The following MYOF variants were observed in gnomAD, a reference collection of about 807,000 sequenced individuals.
MYOF encodes the protein fer-1-like 3, myoferlin.
In MYOF, 244 loss-of-function variants were observed where a neutral mutation model predicts 284.2. That is an observed-to-expected ratio of 0.86 (90% confidence interval 0.77 to 0.95). The LOEUF is 0.95. Among genes scored for constraint, MYOF ranks in the 40% least tolerant of loss-of-function variants. MYOF has a pLI of 0.00. For missense variants in MYOF, 2,496 were observed against 2,560.6 expected, an observed-to-expected ratio of 0.97 and a Z score of 0.54; for synonymous variants, 904 against 919.7, an observed-to-expected ratio of 0.98 and a Z score of 0.31.
At chr10:93,380,048 T>C in intron 20 of MYOF, 61 bp from the exon 21 acceptor site, 2 of 1,574,940 alleles carry the variant, frequency 1.3e-6, no homozygotes, top group South Asian at 2.3e-5. Flanking sequence ...GCATGTTTAT[T>C]AAAGAGATGT....
intron 5 of MYOF, among the ~76,000 whole-genome samples, chr10:93,413,426 G>C (rs1287667670): frequency 6.6e-6 from 1 of 152,204 alleles, no homozygotes; most frequent in Non-Finnish European, 1.5e-5. Flanking sequence ...CAAAGAATGA[G>C]GGGGCCCCTA....
intron 5 of MYOF, among the ~76,000 whole-genome samples, chr10:93,413,837 T>G (rs887035115): frequency 2.0e-5 from 3 of 151,454 alleles, no homozygotes; most frequent in African/African-American, 7.3e-5. Flanking sequence ...CAAAAAAAAT[T>G]TAAAAACTAG....
In MYOF at chr10:93,323,170, G is replaced by C. The variant is rs748658000; in HGVS notation, c.5364C>G (p.Tyr1788Ter). The change falls in exon 48 of 54, where the codon TAC becomes TAG. Residue 1788 changes from tyrosine (Y) to a stop codon, truncating the protein, a stop_gained. Coordinates refer to ENST00000359263, the MANE Select transcript of MYOF (RefSeq NM_013451.4). LOFTEE classifies it high-confidence loss of function. The part of the protein sequence containing the change: ...FNITPRKAKK[Y>*]YLRVIIWNTK... Reference sequence around the variant, plus strand: ...TGTTCCAGATGATCACACGCAGGTAGTATCTGCAAGAAGCACAGTTGGAAG... The same window carrying C: ...TGTTCCAGATGATCACACGCAGGTACTATCTGCAAGAAGCACAGTTGGAAG... 1 of 1,614,054 alleles carries C rather than the reference G, an allele frequency of 6.2e-7. No homozygotes were observed. Among genetic ancestry groups the C allele is most frequent in the Non-Finnish European group, 8.5e-7 (1 of 1,179,898 alleles).
intron 25 of MYOF, among the ~76,000 whole-genome samples, chr10:93,369,239 G>C (rs923843712): frequency 1.3e-5 from 2 of 148,578 alleles, no homozygotes; most frequent in African/African-American, 5.0e-5. Flanking sequence ...AACATCTCAA[G>C]TGTCCCCTCT....
intron 3 of MYOF, among the ~76,000 whole-genome samples, chr10:93,451,186 A>G (rs1181876025): frequency 6.6e-6 from 1 of 152,148 alleles, no homozygotes. Context: ...CTAAAAATAT[A>G]AAAGTTAGCT....
intron 50 of MYOF, among the ~76,000 whole-genome samples, chr10:93,315,231 T>A (rs1842566241): frequency 6.6e-6 from 1 of 152,132 alleles, no homozygotes; most frequent in Admixed American, 6.5e-5. Context: ...TTGGTGGGTG[T>A]TTCCTCTGCC....
At position 93,323,699 on chromosome 10, in the gene MYOF, G is replaced by GCA. The variant is rs146879928; in HGVS notation, c.5272-343_5272-342dup. On this transcript the variant is annotated intron_variant, in intron 46 of 53. Coordinates refer to ENST00000359263, the MANE Select transcript of MYOF (RefSeq NM_013451.4). The stretch of plus-strand genomic sequence containing the variant: ...ATCCCACAGGCAGGCACACGCACGT[G>GCA]CACACACACACACACGCGCGTGCGC... 2.4e-3 allele frequency: 669 copies of GCA among 277,672 alleles called. 2 individuals are homozygous for GCA. The highest frequency in any genetic ancestry group is 7.7e-3 in the African/African-American group (351 of 45,868). The allele number at this position is 277,672 out of a possible 1,614,324, so 17.2% of individuals were successfully genotyped here. A position where few individuals can be genotyped will look rare whatever the true frequency, so the allele number is the denominator to read the frequency against.
At chr10:93,400,329 C>CT (rs1163947322) in intron 12 of MYOF, among the ~76,000 whole-genome samples, 14,876 of 98,442 alleles carry the variant, frequency 0.15, 1,364 homozygotes, top group African/African-American at 0.36. Context: ...TCTTCTTCTT[C>CT]TTTTTTTTTT....
At chr10:93,405,392 A>G (rs1040540494) in intron 7 of MYOF, among the ~76,000 whole-genome samples, 1 of 152,240 alleles carries the variant, frequency 6.6e-6, no homozygotes, top group Non-Finnish European at 1.5e-5. Flanking sequence ...TCAGCTTCCA[A>G]AAGGAAGCTA....
chr10:93,397,786 C>T (rs1847092103), intron 13 of MYOF, among the ~76,000 whole-genome samples: 1 of 151,940 alleles, frequency 6.6e-6, no homozygotes, highest in African/African-American at 2.4e-5. Context: ...ATTAACACAT[C>T]CAGACAGATC....
chr10:93,372,418 T>C (rs997757617), intron 24 of MYOF, among the ~76,000 whole-genome samples: 1 of 152,196 alleles, frequency 6.6e-6, no homozygotes, highest in African/African-American at 2.4e-5. Flanking sequence ...CCTGTGGCTC[T>C]CGTCAGGCAC....
chr10:93,435,915 T>C (rs558621337), intron 3 of MYOF, among the ~76,000 whole-genome samples: 9 of 151,020 alleles, frequency 6.0e-5, no homozygotes, highest in South Asian at 2.1e-4. Flanking sequence ...AAAATAATAA[T>C]AATAATAATA....
intron 31 of MYOF, among the ~76,000 whole-genome samples, chr10:93,354,612 T>C (rs1223926404): frequency 1.3e-5 from 2 of 151,730 alleles, no homozygotes; most frequent in African/African-American, 4.8e-5. Context: ...CATTTCAAAA[T>C]ATTCATACTC....
At chr10:93,359,032 A>T (rs1346732063) in intron 29 of MYOF, among the ~76,000 whole-genome samples, 1 of 152,164 alleles carries the variant, frequency 6.6e-6, no homozygotes, top group African/African-American at 2.4e-5. Flanking sequence ...AGCAAGGAGG[A>T]TACAAAGATG....
intron 29 of MYOF, 140 bp downstream of exon 29, chr10:93,359,693 G>T: frequency 9.5e-7 from 1 of 1,056,060 alleles, no homozygotes; most frequent in Non-Finnish European, 1.4e-6. Context: ...GGCTGGGGTG[G>T]GCTCACTTTG....
intron 3 of MYOF, among the ~76,000 whole-genome samples, chr10:93,449,834 C>T (rs936416945): frequency 6.6e-6 from 1 of 152,046 alleles, no homozygotes; most frequent in Non-Finnish European, 1.5e-5. Context: ...CAGGGGGCAT[C>T]GGTCAGCAAC....
At chr10:93,391,754 C>A (rs1367292752) in intron 17 of MYOF, among the ~76,000 whole-genome samples, 1 of 152,154 alleles carries the variant, frequency 6.6e-6, no homozygotes, top group Non-Finnish European at 1.5e-5. Context: ...AATAAAAATC[C>A]TTTACCCTGG....
chr10:93,356,955 C>T, intron 29 of MYOF, 107 bp from the exon 30 acceptor site: 1 of 1,151,472 alleles, frequency 8.7e-7, no homozygotes, highest in Non-Finnish European at 1.2e-6. Flanking sequence ...TATTCAAAAT[C>T]TACTCTGTGC....
chr10:93,416,013 C>T (rs1327898518), intron 5 of MYOF, among the ~76,000 whole-genome samples: 2 of 152,190 alleles, frequency 1.3e-5, no homozygotes, highest in Non-Finnish European at 2.9e-5. Context: ...AGCCCTCTGC[C>T]CTCCTAGTCC....
Sources: gnomAD v4.1 joint callset for allele counts (sites outside exome capture counted in the v4.1 genomes callset) on GRCh38, gnomAD v4.1.1 for gene constraint, MANE v1.5 for transcripts, NCBI Gene and HGNC (gene_info 2026-07-23, HGNC 2026-07-21) for gene names.